Variants in PCP4 observed in about 807,000 individuals in gnomAD.
PCP4 encodes Purkinje cell protein 4.
A neutral mutation model predicts 10.0 loss-of-function variants in PCP4; 8 were observed. The observed-to-expected ratio is 0.80, with a 90% CI of 0.47 to 1.45. The LOEUF (loss-of-function observed/expected upper bound fraction) is 1.45, where lower values mean the gene tolerates loss of function less well. Ranked by LOEUF, PCP4 falls within the 40% of genes most tolerant of loss-of-function variation. The probability of loss-of-function intolerance (pLI) is 0.00; values close to 1 mark genes in which losing one functional copy is unlikely to be tolerated. For missense variants in PCP4, 54 were observed against 74.4 expected, an observed-to-expected ratio of 0.73 and a Z score of 1.01; for synonymous variants, 21 against 23.0, an observed-to-expected ratio of 0.91 and a Z score of 0.24.
chr21:39,871,560 C>A (rs899176973), intron 1 of PCP4, among the ~76,000 whole-genome samples: 3 of 152,204 alleles, frequency 2.0e-5, no homozygotes, highest in African/African-American at 7.2e-5. Context: ...TCTGACAGAT[C>A]AAGCAAGATC....
intron 1 of PCP4, among the ~76,000 whole-genome samples, chr21:39,875,120 C>T (rs2087338676): frequency 6.6e-6 from 1 of 152,140 alleles, no homozygotes. Context: ...GGGGGAACTA[C>T]TGTGTGCAAT....
chr21:39,882,372 C>T (rs1010054371), intron 1 of PCP4, among the ~76,000 whole-genome samples: 6 of 152,158 alleles, frequency 3.9e-5, no homozygotes, highest in Non-Finnish European at 8.8e-5. Flanking sequence ...CCAGCTGTTG[C>T]GGCATTTCAT....
rs192234895 is a variant in PCP4, at chr21:39,880,649, A to G, written c.9+13139A>G. On this transcript the variant is annotated intron_variant, in intron 1 of 2. Coordinates refer to ENST00000328619, the MANE Select transcript of PCP4 (RefSeq NM_006198.3). ...TTTTGTCCCACGTCTTTTTCTATCA[A>G]GTCTTTGGTCCTCACTTCTTCTTCC... is the stretch of plus-strand genomic sequence containing the variant. Among the ~76,000 whole-genome samples, 21 of 152,312 alleles carry G rather than the reference A, an allele frequency of 1.4e-4. No individual in the cohort carries two copies. The East Asian group carries it at 4.1e-3, about 29-fold the overall frequency.
At chr21:39,870,210 C>CT (rs1314465260) in intron 1 of PCP4, among the ~76,000 whole-genome samples, 26 of 152,216 alleles carry the variant, frequency 1.7e-4, no homozygotes, top group African/African-American at 5.1e-4. Context: ...TGTAACAACA[C>CT]TTTTTAGGGG....
intron 2 of PCP4, among the ~76,000 whole-genome samples, chr21:39,912,477 C>T (rs926800402): frequency 2.0e-5 from 3 of 152,008 alleles, no homozygotes; most frequent in Non-Finnish European, 4.4e-5. Context: ...TCCGATGGCA[C>T]CCACAAAGGG....
At chr21:39,897,969 C>T (rs1279609544) in intron 1 of PCP4, among the ~76,000 whole-genome samples, 1 of 142,410 alleles carries the variant, frequency 7.0e-6, no homozygotes, top group Non-Finnish European at 1.5e-5. Context: ...TGGTGTGAAC[C>T]TGGGAGGCGG....
chr21:39,889,536 C>T (rs11908867), intron 1 of PCP4, among the ~76,000 whole-genome samples: 20,141 of 148,982 alleles, frequency 0.14, 1,994 homozygotes, highest in South Asian at 0.23. Context: ...CCTGCCTTAG[C>T]CTCCTGAGTA....
chr21:39,888,559 G>T (rs1245425833), intron 1 of PCP4, among the ~76,000 whole-genome samples: 3 of 152,176 alleles, frequency 2.0e-5, no homozygotes, highest in African/African-American at 7.2e-5. Flanking sequence ...CAGCTGGTGG[G>T]GACAGTCAGT....
At chr21:39,902,601 A>C (rs2146339554) in intron 2 of PCP4, among the ~76,000 whole-genome samples, 1 of 152,336 alleles carries the variant, frequency 6.6e-6, no homozygotes, top group East Asian at 1.9e-4. Flanking sequence ...AGAATGTTTC[A>C]AAATCCTTCT....
At chr21:39,892,253 C>T (rs11702550) in intron 1 of PCP4, among the ~76,000 whole-genome samples, 88,390 of 152,166 alleles carry the variant, frequency 0.58, 25,972 homozygotes, top group African/African-American at 0.64. Flanking sequence ...TAGGTTATAT[C>T]AGTAATGCAA....
intron 2 of PCP4, among the ~76,000 whole-genome samples, chr21:39,914,203 G>A (rs1325563392): frequency 6.6e-6 from 1 of 152,100 alleles, no homozygotes; most frequent in African/African-American, 2.4e-5. Flanking sequence ...AGCTCTTGGG[G>A]GCTCTTACCA....
At chr21:39,912,814 ATCC>A (rs202111664) in intron 2 of PCP4, among the ~76,000 whole-genome samples, 2 of 152,050 alleles carry the variant, frequency 1.3e-5, no homozygotes, top group East Asian at 3.9e-4. Flanking sequence ...AGCTCAAGCA[ATCC>A]TCCTGTTTCA....
At chr21:39,923,634 C>G (rs1888503) in intron 2 of PCP4, among the ~76,000 whole-genome samples, 136,339 of 152,292 alleles carry the variant, frequency 0.9, 61,218 homozygotes, top group Middle Eastern at 0.95. Context: ...TTCCAGTACA[C>G]GCGGCAGAAT....
chr21:39,885,691 G>C (rs1194850838), intron 1 of PCP4, among the ~76,000 whole-genome samples: 1 of 152,208 alleles, frequency 6.6e-6, no homozygotes, highest in African/African-American at 2.4e-5. Flanking sequence ...ATCCCCCAAA[G>C]CCAGGCACCC....
At chr21:39,884,966 C>T (rs889641197) in intron 1 of PCP4, among the ~76,000 whole-genome samples, 2 of 152,138 alleles carry the variant, frequency 1.3e-5, no homozygotes, top group Non-Finnish European at 2.9e-5. Flanking sequence ...GTATTTACAC[C>T]GTTTTGAGTA....
chr21:39,887,843 CAGACAAG>C (rs1227793836), intron 1 of PCP4, among the ~76,000 whole-genome samples: 1 of 152,162 alleles, frequency 6.6e-6, no homozygotes, highest in Non-Finnish European at 1.5e-5. Context: ...TCAGAGAAAG[CAGACAAG>C]AAACCCTTAG....
At position 39,925,689 on chromosome 21, in the gene PCP4, G is replaced by A. The variant is rs539550548; in HGVS notation, c.62-3295G>A. 1.6e-3 allele frequency among the ~76,000 whole-genome samples: 240 copies of A among 152,264 alleles called. 1 individual carries two copies. Among genetic ancestry groups the A allele is most frequent in the African/African-American group, 5.5e-3 (229 of 41,562 alleles). On this transcript the variant is annotated intron_variant, in intron 2 of 2. Coordinates refer to ENST00000328619, the MANE Select transcript of PCP4 (RefSeq NM_006198.3). ...TTCAGTCTCCCCAGCAGGCGTGGCC[G>A]AGGGCTTCCCTGTGGGTATCAGCAG... is the stretch of plus-strand genomic sequence containing the variant.
At chr21:39,870,087 C>G (rs1260306123) in intron 1 of PCP4, among the ~76,000 whole-genome samples, 4 of 152,244 alleles carry the variant, frequency 2.6e-5, no homozygotes, top group African/African-American at 9.6e-5. Context: ...TCCCCGGGGC[C>G]TGCTCTGCAC....
chr21:39,922,621 T>C (rs2087601665), intron 2 of PCP4, among the ~76,000 whole-genome samples: 1 of 152,186 alleles, frequency 6.6e-6, no homozygotes, highest in Admixed American at 6.5e-5. Context: ...TCAAGGGCCA[T>C]TGGCAGAGCT....
Sources: gnomAD v4.1 joint callset for allele counts (sites outside exome capture counted in the v4.1 genomes callset) on GRCh38, gnomAD v4.1.1 for gene constraint, MANE v1.5 for transcripts, NCBI Gene and HGNC (gene_info 2026-07-23, HGNC 2026-07-21) for gene names.